Variants in ASB3 observed in about 807,000 individuals in gnomAD.
ASB3 encodes ankyrin repeat and SOCS box protein 3.
A neutral mutation model predicts 54.5 loss-of-function variants in ASB3; 41 were observed. The ratio of observed to expected loss-of-function variants is 0.75; its 90% CI spans 0.59 to 0.98. The LOEUF (loss-of-function observed/expected upper bound fraction) is 0.98. Ranked by LOEUF, ASB3 falls within the 50% of genes least tolerant of loss-of-function variation. The pLI is 0.00. For synonymous variants in ASB3, 266 were observed against 221.2 expected (o/e 1.20, Z -1.80); for missense variants, 733 against 620.0 (o/e 1.18, Z -1.94).
At chr2:53,742,103 G>A (rs561867852) in intron 3 of ASB3, among the ~76,000 whole-genome samples, 1 of 152,190 alleles carries the variant, frequency 6.6e-6, no homozygotes, top group African/African-American at 2.4e-5. Context: ...AAAATCAGAG[G>A]GACTGGATCC....
chr2:53,682,889 T>A (rs1382695240), intron 9 of ASB3, among the ~76,000 whole-genome samples: 1 of 152,180 alleles, frequency 6.6e-6, no homozygotes, highest in Non-Finnish European at 1.5e-5. Flanking sequence ...AGTCTTTAGG[T>A]TTTTCCAAAT....
chr2:53,681,785 G>A (rs1414324630), intron 9 of ASB3, among the ~76,000 whole-genome samples: 1 of 152,080 alleles, frequency 6.6e-6, no homozygotes, highest in East Asian at 1.9e-4. Flanking sequence ...TTTGAAGTAA[G>A]GTAATCTGAT....
At chr2:53,725,418 C>T (rs1295482004) in intron 5 of ASB3, among the ~76,000 whole-genome samples, 4 of 152,096 alleles carry the variant, frequency 2.6e-5, no homozygotes, top group Non-Finnish European at 5.9e-5. Context: ...AACCTGCATG[C>T]ATACCCTCTG....
In ASB3 at chr2:53,670,454, G is replaced by T. The variant is rs559318926; in HGVS notation, c.*49C>A. ...TTGTACTCTGTGGCTCTTTTGTCTCGATGATTTTTCAGAGAAAAAAATTAG... is the reference window on the plus strand; with the variant it reads ...TTGTACTCTGTGGCTCTTTTGTCTCTATGATTTTTCAGAGAAAAAAATTAG... On this transcript the variant is annotated 3_prime_UTR_variant, in exon 10 of 10. Coordinates refer to ENST00000263634, the MANE Select transcript of ASB3 (RefSeq NM_016115.5). 2 of 1,575,068 alleles carry T rather than the reference G, an allele frequency of 1.3e-6. No individual in the cohort carries two copies. The highest frequency in any genetic ancestry group is 1.2e-5 in the South Asian group (1 of 84,672).
intron 7 of ASB3, among the ~76,000 whole-genome samples, chr2:53,712,487 A>C (rs1670155960): frequency 6.6e-6 from 1 of 152,214 alleles, no homozygotes; most frequent in South Asian, 2.1e-4. Context: ...GAAAATCCAG[A>C]AACCTATTTA....
chr2:53,742,461 T>A (rs552890037), intron 3 of ASB3, among the ~76,000 whole-genome samples: 4 of 152,100 alleles, frequency 2.6e-5, no homozygotes, highest in African/African-American at 9.6e-5. Flanking sequence ...AAACCTCTCA[T>A]CTGAAAAATA....
chr2:53,734,997 A>G (rs1319784637), intron 3 of ASB3, among the ~76,000 whole-genome samples: 1 of 142,746 alleles, frequency 7.0e-6, no homozygotes, highest in Non-Finnish European at 1.5e-5. Flanking sequence ...TTGGCTCACT[A>G]CAACCTCCAC....
intron 5 of ASB3, among the ~76,000 whole-genome samples, chr2:53,726,885 G>A (rs1260953119): frequency 6.6e-6 from 1 of 151,888 alleles, no homozygotes; most frequent in South Asian, 2.1e-4. Flanking sequence ...GTAGAGACAG[G>A]GTTTCACCAT....
chr2:53,786,923 G>T lies in ASB3; in HGVS notation c.-116C>A, dbSNP rs1256499126. The T allele has an allele frequency of 1.3e-5, 5 of 399,232 alleles. No homozygotes were observed. In the East Asian group the frequency reaches 2.0e-4, roughly 16 times the overall value. The allele number at this position is 399,232 out of a possible 1,614,324, so 24.7% of individuals were successfully genotyped here. A position where few individuals can be genotyped will look rare whatever the true frequency, so the allele number is the denominator to read the frequency against. Reference sequence around the variant, plus strand: ...TTTCGATCCCCACCGCGATGCTGCAGCCGTCCGAAAACGAGAGACGCGCAG... The same window carrying T: ...TTTCGATCCCCACCGCGATGCTGCATCCGTCCGAAAACGAGAGACGCGCAG... On this transcript the variant is annotated 5_prime_UTR_variant, in exon 1 of 10. In the 5' UTR this introduces an upstream ATG that the reference lacks. Coordinates refer to ENST00000263634, the MANE Select transcript of ASB3 (RefSeq NM_016115.5).
At chr2:53,737,074 G>C (rs1671678886) in intron 3 of ASB3, among the ~76,000 whole-genome samples, 1 of 152,142 alleles carries the variant, frequency 6.6e-6, no homozygotes, top group African/African-American at 2.4e-5. Context: ...ATTATACTTT[G>C]GGATATGACA....
intron 1 of ASB3, among the ~76,000 whole-genome samples, chr2:53,779,689 A>G: frequency 6.6e-6 from 1 of 152,140 alleles, no homozygotes; most frequent in Admixed American, 6.5e-5. Flanking sequence ...CACCTACCTC[A>G]GCCTCCCAAA....
At chr2:53,691,353 A>G (rs10196423) in intron 9 of ASB3, among the ~76,000 whole-genome samples, 3,813 of 152,272 alleles carry the variant, frequency 0.025, 145 homozygotes, top group African/African-American at 0.085. Flanking sequence ...ATTTCCCTAG[A>G]GATACATACT....
intron 1 of ASB3, among the ~76,000 whole-genome samples, chr2:53,768,753 A>G (rs6737681): frequency 0.23 from 34,843 of 152,150 alleles, 4,836 homozygotes; most frequent in East Asian, 0.47. Context: ...CTTTTCAGTC[A>G]GTCCTACAAA....
At chr2:53,753,742 T>C (rs1672661558) in intron 2 of ASB3, among the ~76,000 whole-genome samples, 1 of 151,880 alleles carries the variant, frequency 6.6e-6, no homozygotes. Flanking sequence ...GTTCAAGCGA[T>C]TCTCCTGCTT....
At chr2:53,674,799 G>A (rs963422650) in intron 9 of ASB3, among the ~76,000 whole-genome samples, 1 of 151,910 alleles carries the variant, frequency 6.6e-6, no homozygotes, top group African/African-American at 2.4e-5. Context: ...ATTTACTTGT[G>A]TTGTCTCTCT....
intron 2 of ASB3, among the ~76,000 whole-genome samples, chr2:53,754,838 T>G (rs1227685057): frequency 6.6e-6 from 1 of 152,230 alleles, no homozygotes; most frequent in Non-Finnish European, 1.5e-5. Flanking sequence ...AGTATCATTT[T>G]AAGAAAATTT....
chr2:53,704,082 G>C lies in ASB3; in HGVS notation c.981-3554C>G, dbSNP rs193293059. Among the ~76,000 whole-genome samples, 43 of 152,208 alleles carry C rather than the reference G, an allele frequency of 2.8e-4. 1 individual carries two copies. The East Asian group carries it at 5.2e-3, about 18-fold the overall frequency. On this transcript the variant is annotated intron_variant, in intron 7 of 9. Coordinates refer to ENST00000263634, the MANE Select transcript of ASB3 (RefSeq NM_016115.5). Reference sequence around the variant, plus strand: ...ATCACTCATTAAGAAAAGTAAGAAGGGCTAGGCGTGGTGGCTCACACCTGT... The same window carrying C: ...ATCACTCATTAAGAAAAGTAAGAAGCGCTAGGCGTGGTGGCTCACACCTGT...
chr2:53,692,592 C>T (rs770523035), intron 9 of ASB3, among the ~76,000 whole-genome samples: 7 of 152,124 alleles, frequency 4.6e-5, no homozygotes, highest in Non-Finnish European at 8.8e-5. Context: ...CAGGGTAATG[C>T]AGTACTCAAG....
chr2:53,782,696 G>C (rs1218857158), intron 1 of ASB3, among the ~76,000 whole-genome samples: 1 of 152,120 alleles, frequency 6.6e-6, no homozygotes, highest in Non-Finnish European at 1.5e-5. Flanking sequence ...GGAAGGAGAG[G>C]AGGAAAGAGG....
Sources: allele counts gnomAD v4.1 joint callset (sites outside exome capture counted in the v4.1 genomes callset), GRCh38; gene constraint gnomAD v4.1.1; transcripts MANE v1.5; gene names NCBI Gene and HGNC (gene_info 2026-07-23, HGNC 2026-07-21).